The following FBXL3 variants were observed in gnomAD, a reference collection of about 807,000 sequenced individuals.
FBXL3 encodes F-box/LRR-repeat protein 3.
Under a neutral mutation model 37.9 loss-of-function variants are expected in FBXL3, and 14 were observed. The ratio of observed to expected loss-of-function variants is 0.37; its 90% CI spans 0.24 to 0.58. The LOEUF (loss-of-function observed/expected upper bound fraction) is 0.58, where lower values mean the gene tolerates loss of function less well. FBXL3 is among the 20% of genes least tolerant of loss of function. The pLI is 0.74. For synonymous variants in FBXL3, 194 were observed against 180.1 expected (o/e 1.08, Z -0.62); for missense variants, 327 against 511.1 (o/e 0.64, Z 3.47).
At chr13:77,017,044 A>G (rs765510708) in intron 3 of FBXL3, 2 of 135,314 alleles carry the variant, frequency 1.5e-5, no homozygotes, top group Non-Finnish European at 3.4e-5. Context: ...CATTTCCCCA[A>G]TTTAGCTCTG....
At position 77,015,476 on chromosome 13, in the gene FBXL3, T is replaced by A. The variant is rs1463679147; in HGVS notation, c.576A>T (p.Leu192=). Residue 192 remains leucine (L), a synonymous_variant, in exon 4 of 5, where the codon CTA becomes CTT. Transcript: ENST00000355619. ...TGAGTGTATCACTATTGTTGGCCACTAGTACTTTGAGAGATGGATCATCTA... is the reference window on the plus strand; with the variant it reads ...TGAGTGTATCACTATTGTTGGCCACAAGTACTTTGAGAGATGGATCATCTA... ...TPVDDPSLKV[L]VANNSDTLKL... is the part of the protein sequence containing the mutation. The A allele has an allele frequency of 1.2e-6, 2 of 1,608,314 alleles. No individual in the cohort carries two copies. Among genetic ancestry groups the A allele is most frequent in the Non-Finnish European group, 1.7e-6 (2 of 1,177,276 alleles).
rs641903 is a variant in FBXL3 at position 77,018,248 on chromosome 13, T to C, written c.471+352A>G. 8.2e-3 allele frequency: 1,298 copies of C among 157,482 alleles called. 20 individuals are homozygous for C. Among genetic ancestry groups the C allele is most frequent in the African/African-American group, 0.029 (1,227 of 41,778 alleles). The allele number at this position is 157,482 out of a possible 1,614,324, so 9.8% of individuals were successfully genotyped here. On this transcript the variant is annotated intron_variant, in intron 3 of 4. Coordinates refer to ENST00000355619, the MANE Select transcript of FBXL3 (RefSeq NM_012158.4). ...CTGCTCTCAATATTGGCACTCTACT[T>C]TTCTTTGATTCTAACTTCACCAACC...
chr13:77,016,701 CT>C (rs140502477), intron 3 of FBXL3: 8,471 of 147,616 alleles, frequency 0.057, 392 homozygotes, highest in African/African-American at 0.13. Flanking sequence ...ACCCAGCTAA[CT>C]TTTTTTTTTT....
chr13:77,009,323 G>C (rs879360106), intron 4 of FBXL3: 5 of 152,170 alleles, frequency 3.3e-5, no homozygotes, highest in Non-Finnish European at 4.4e-5. Flanking sequence ...CCGCAAAGTA[G>C]GTATATACTT....
intron 2 of FBXL3, among the ~76,000 whole-genome samples, chr13:77,019,393 T>C (rs1243925327): frequency 1.3e-5 from 2 of 152,214 alleles, no homozygotes; most frequent in East Asian, 3.8e-4. Context: ...ATCAAAAAGT[T>C]AGTTGTTTCC....
chr13:77,015,304 A>G, intron 4 of FBXL3, 105 bp downstream of exon 4: 1 of 723,230 alleles, frequency 1.4e-6, no homozygotes, highest in Non-Finnish European at 2.1e-6. Flanking sequence ...AAAGAGATGA[A>G]GCAGTCATAT....
chr13:77,018,040 G>C (rs969721056), intron 3 of FBXL3: 2 of 152,112 alleles, frequency 1.3e-5, no homozygotes, highest in East Asian at 1.9e-4. Flanking sequence ...AGTTGTGAGA[G>C]AGAGACACGA....
chr13:77,006,801 A>G lies in FBXL3; in HGVS notation c.*344T>C, dbSNP rs1195500528. 5.8e-6 allele frequency: 6 copies of G among 1,033,088 alleles called. No individual in the cohort carries two copies. In the African/African-American group the frequency reaches 1.0e-4, roughly 18 times the overall value. The allele number at this position is 1,033,088 out of a possible 1,614,324, so 64.0% of individuals were successfully genotyped here. A position where few individuals can be genotyped will look rare whatever the true frequency, so the allele number is the denominator to read the frequency against. Reference sequence around the variant, plus strand: ...ACATTTTTTTTTAAATGCATAGAGAATATAACATTTCAGAAAACCTATTAG... The same window carrying G: ...ACATTTTTTTTTAAATGCATAGAGAGTATAACATTTCAGAAAACCTATTAG... On this transcript the variant is annotated 3_prime_UTR_variant, in exon 5 of 5. Transcript: ENST00000355619.
chr13:77,011,407 AATGGCC>A (rs2034550855), intron 4 of FBXL3, among the ~76,000 whole-genome samples: 1 of 151,720 alleles, frequency 6.6e-6, no homozygotes. Context: ...AAGATATACA[AATGGCC>A]AAGAAGCACC....
At chr13:77,017,336 G>A (rs2034662360) in intron 3 of FBXL3, 2 of 152,104 alleles carry the variant, frequency 1.3e-5, no homozygotes, top group Admixed American at 1.3e-4. Context: ...CATACCATAT[G>A]AGTCAGTATG....
intron 1 of FBXL3, 136 bp from the exon 2 acceptor site, chr13:77,021,997 A>G: frequency 1.4e-6 from 1 of 699,596 alleles, no homozygotes; most frequent in Non-Finnish European, 2.4e-6. Flanking sequence ...TAATTCAAGA[A>G]TACCAAAACA....
chr13:77,011,701 C>T (rs1039215462), intron 4 of FBXL3, among the ~76,000 whole-genome samples: 1 of 138,358 alleles, frequency 7.2e-6, no homozygotes, highest in African/African-American at 2.6e-5. Flanking sequence ...CCAGCCTGGG[C>T]GACAGAGTGA....
At chr13:77,018,876 A>G (rs1427013078) in intron 2 of FBXL3, 154 bp from the exon 3 acceptor site, 4 of 597,792 alleles carry the variant, frequency 6.7e-6, no homozygotes, top group Non-Finnish European at 1.0e-5. Context: ...TTATTGCATT[A>G]TAACTTAAAG....
chr13:77,026,315 G>A (rs1566234356), intron 1 of FBXL3: 1 of 985,400 alleles, frequency 1.0e-6, no homozygotes, highest in Non-Finnish European at 1.2e-6. Flanking sequence ...TAAGCGGCAG[G>A]GGCGTCCCCT....
In FBXL3 at chr13:77,007,397, C is replaced by T. The variant is rs775587973; in HGVS notation, c.1035G>A (p.Arg345=). Residue 345 remains arginine (R), a synonymous_variant, in exon 5 of 5, where the codon CGG becomes CGA. Coordinates refer to ENST00000355619, the MANE Select transcript of FBXL3 (RefSeq NM_012158.4). ...VELVVCANGL[R]PLDEELIRIA... is the part of the protein sequence containing the mutation. ...TGCGAATTAACTCTTCATCAAGTGGCCGTAATCCATTTGCACACACTACTA... is the reference window on the plus strand; with the variant it reads ...TGCGAATTAACTCTTCATCAAGTGGTCGTAATCCATTTGCACACACTACTA... 2 of 1,614,180 alleles carry T rather than the reference C, an allele frequency of 1.2e-6. No individual in the cohort carries two copies. Among genetic ancestry groups the T allele is most frequent in the Non-Finnish European group, 1.7e-6 (2 of 1,180,036 alleles).
At chr13:77,015,649 G>A (rs189571738) in intron 3 of FBXL3, 69 bp from the exon 4 acceptor site, 2 of 1,040,970 alleles carry the variant, frequency 1.9e-6, no homozygotes, top group African/African-American at 1.6e-5. Context: ...GGGTTTCCTA[G>A]TACTACAGTT....
At chr13:77,009,880 A>C (rs2034517429) in intron 4 of FBXL3, 1 of 152,272 alleles carries the variant, frequency 6.6e-6, no homozygotes, top group South Asian at 2.1e-4. Flanking sequence ...TAGACTAAAG[A>C]AAGAAAACAT....
intron 4 of FBXL3, chr13:77,014,685 C>G (rs2034613138): frequency 6.6e-6 from 1 of 152,174 alleles, no homozygotes; most frequent in African/African-American, 2.4e-5. Flanking sequence ...CCTTAAAGAA[C>G]AGGTTTCCCA....
chr13:77,019,925 C>T (rs921845398), intron 2 of FBXL3, among the ~76,000 whole-genome samples: 1 of 151,604 alleles, frequency 6.6e-6, no homozygotes, highest in Non-Finnish European at 1.5e-5. Context: ...AATTGTATCA[C>T]AGGGCTATAA....
Sources: gnomAD v4.1 joint callset for allele counts (sites outside exome capture counted in the v4.1 genomes callset) on GRCh38, gnomAD v4.1.1 for gene constraint, MANE v1.5 for transcripts, NCBI Gene and HGNC (gene_info 2026-07-23, HGNC 2026-07-21) for gene names.